BPI: variants seen among roughly 807,000 people sequenced by gnomAD.
BPI encodes the protein bactericidal permeability increasing protein.
A neutral mutation model predicts 57.6 loss-of-function variants in BPI; 48 were observed. The observed-to-expected ratio is 0.83, with a 90% CI of 0.66 to 1.06. The LOEUF is 1.06. Among genes scored for constraint, BPI ranks in the 50% least tolerant of loss-of-function variants. The pLI, the probability that BPI is intolerant of heterozygous loss-of-function variation, is 0.00. For missense variants in BPI, 651 were observed against 609.7 expected (o/e 1.07, Z -0.71); for synonymous variants, 237 against 238.2 (o/e 0.99, Z 0.05).
At chr20:38,317,755 G>T in intron 5 of BPI, 1 of 1,285,622 alleles carries the variant, frequency 7.8e-7, no homozygotes, top group Non-Finnish European at 1.1e-6. Context: ...GCCATGTTCC[G>T]TTTTACAGAT....
intron 6 of BPI, 38 bp from the exon 7 acceptor site, chr20:38,320,145 G>A (rs184232544): frequency 5.4e-5 from 83 of 1,535,454 alleles, no homozygotes; most frequent in South Asian, 3.4e-5. Flanking sequence ...CGATGCTGCC[G>A]TGGGAGCCAG....
At chr20:38,326,192 G>T in intron 9 of BPI, 73 bp from the exon 10 acceptor site, 2 of 1,474,246 alleles carry the variant, frequency 1.4e-6, no homozygotes, top group Non-Finnish European at 1.8e-6. Flanking sequence ...AGTAGGGGCA[G>T]GCCAAGGTAG....
intron 12 of BPI, 55 bp downstream of exon 12, chr20:38,331,145 G>A: frequency 6.4e-7 from 1 of 1,572,250 alleles, no homozygotes; most frequent in East Asian, 2.2e-5. Flanking sequence ...CGGCGGGGAG[G>A]GGGACATGTC....
intron 12 of BPI, among the ~76,000 whole-genome samples, chr20:38,332,653 T>C (rs970562272): frequency 6.6e-6 from 1 of 151,876 alleles, no homozygotes; most frequent in Admixed American, 6.6e-5. Context: ...GGTGGAGCAG[T>C]TGGATGAATG....
intron 13 of BPI, 60 bp downstream of exon 13, chr20:38,334,553 T>C: frequency 1.3e-6 from 2 of 1,525,504 alleles, no homozygotes; most frequent in Non-Finnish European, 1.8e-6. Flanking sequence ...TGGGGTTGAT[T>C]ACCCACAGCC....
At chr20:38,337,039 C>A in intron 14 of BPI, 107 bp from the exon 15 acceptor site, 1 of 1,160,240 alleles carries the variant, frequency 8.6e-7, no homozygotes, top group Non-Finnish European at 1.3e-6. Context: ...CTTTCTCCTT[C>A]CTAAGAGGCA....
At chr20:38,324,530 G>T (rs1232757245) in intron 8 of BPI, among the ~76,000 whole-genome samples, 1 of 152,118 alleles carries the variant, frequency 6.6e-6, no homozygotes, top group East Asian at 1.9e-4. Context: ...GGCTTTCTCA[G>T]GAGCAAAAAA....
chr20:38,329,349 C>T (rs6069760), intron 11 of BPI, among the ~76,000 whole-genome samples: 70,205 of 152,070 alleles, frequency 0.46, 16,588 homozygotes, highest in Middle Eastern at 0.51. Flanking sequence ...TGCCCAGTCC[C>T]GCCCTCTCCC....
intron 11 of BPI, among the ~76,000 whole-genome samples, chr20:38,327,956 C>G (rs958012396): frequency 6.6e-6 from 1 of 152,186 alleles, no homozygotes; most frequent in Non-Finnish European, 1.5e-5. Flanking sequence ...ATGGCCAGTC[C>G]TCATGGCTGG....
chr20:38,316,454 C>T (rs558919564), intron 5 of BPI, among the ~76,000 whole-genome samples: 3 of 152,350 alleles, frequency 2.0e-5, no homozygotes, highest in African/African-American at 7.2e-5. Flanking sequence ...AGAGGAGAAG[C>T]CTGGGCTGCA....
chr20:38,318,575 G>A, intron 6 of BPI, 99 bp downstream of exon 6: 1 of 1,331,550 alleles, frequency 7.5e-7, no homozygotes, highest in Non-Finnish European at 1.1e-6. Flanking sequence ...TTCCCAGACA[G>A]CCCTGGGCCT....
At chr20:38,304,529 A>G (rs535201326) in intron 1 of BPI, among the ~76,000 whole-genome samples, 176 bp downstream of exon 1, 2 of 152,326 alleles carry the variant, frequency 1.3e-5, no homozygotes, top group South Asian at 4.1e-4. Context: ...CTAAGATTGC[A>G]GGGCTGGGAT....
chr20:38,307,582 C>T lies in BPI; in HGVS notation c.146C>T (p.Thr49Met), dbSNP rs769218495. Residue 49 changes from threonine to methionine, a missense_variant, in exon 2 of 15, where the codon ACG becomes ATG. Thr to Met is a moderately conservative substitution (Grantham distance 81). Coordinates refer to ENST00000642449, the MANE Select transcript of BPI (RefSeq NM_001725.3). ...CTCCCTTCAGCCAGCCAGCAGGGGA[C>T]GGCCGCTCTGCAGAAGGAGCTGAAG... ...KGLDYASQQG[T>M]AALQKELKRI... 27 of 1,605,062 alleles carry T rather than the reference C, an allele frequency of 1.7e-5. No homozygotes were observed. Among genetic ancestry groups the T allele is most frequent in the Admixed American group, 8.6e-5 (5 of 58,422 alleles).
At position 38,327,594 on chromosome 20, in the gene BPI, A is replaced by G; in HGVS notation, c.1168A>G (p.Thr390Ala). Residue 390 changes from threonine to alanine, a missense_variant, in exon 11 of 15, where the codon ACT becomes GCT. Coordinates refer to ENST00000642449, the MANE Select transcript of BPI (RefSeq NM_001725.3). ...ASLFLIGMHTTGSMEVSAESN... is the reference protein window; with the variant it reads ...ASLFLIGMHTAGSMEVSAESN... ...TGGGTTGTTGTTTTGGCAGCACACAACTGGTTCCATGGAGGTCAGCGCCGA... is the reference window on the plus strand; with the variant it reads ...TGGGTTGTTGTTTTGGCAGCACACAGCTGGTTCCATGGAGGTCAGCGCCGA... 2 of 1,613,208 alleles carry G rather than the reference A, an allele frequency of 1.2e-6. No homozygotes were observed. The highest frequency in any genetic ancestry group is 1.3e-5 in the African/African-American group (1 of 75,024).
chr20:38,334,592 C>T (rs1397588806), intron 13 of BPI, 99 bp downstream of exon 13: 1 of 1,225,194 alleles, frequency 8.2e-7, no homozygotes, highest in East Asian at 2.3e-5. Context: ...GGTATGAGGG[C>T]TGGGCAGTGG....
intron 11 of BPI, among the ~76,000 whole-genome samples, chr20:38,330,573 T>C (rs1600713120): frequency 6.6e-6 from 1 of 152,320 alleles, no homozygotes; most frequent in East Asian, 1.9e-4. Flanking sequence ...TCAAATGATA[T>C]CCTTAGGAAT....
chr20:38,320,496 C>T (rs2076676127), intron 7 of BPI, among the ~76,000 whole-genome samples: 1 of 151,806 alleles, frequency 6.6e-6, no homozygotes, highest in African/African-American at 2.4e-5. Context: ...AGGCCTTTGC[C>T]CTTGCTTTTT....
At chr20:38,331,477 G>A (rs2076742330) in intron 12 of BPI, among the ~76,000 whole-genome samples, 1 of 152,144 alleles carries the variant, frequency 6.6e-6, no homozygotes, top group Non-Finnish European at 1.5e-5. Context: ...TCCAAGTATG[G>A]GGTAGGCTGA....
chr20:38,315,425 C>A (rs943273487), intron 5 of BPI, among the ~76,000 whole-genome samples: 1 of 152,128 alleles, frequency 6.6e-6, no homozygotes, highest in African/African-American at 2.4e-5. Flanking sequence ...GAAGGAAGAG[C>A]CTGCGTCAGT....
Sources: allele counts gnomAD v4.1 joint callset (sites outside exome capture counted in the v4.1 genomes callset), GRCh38; gene constraint gnomAD v4.1.1; transcripts MANE v1.5; gene names NCBI Gene and HGNC (gene_info 2026-07-23, HGNC 2026-07-21).